Variants in FAM193A observed in about 807,000 individuals in gnomAD.
FAM193A encodes protein FAM193A.
In FAM193A, 22 loss-of-function variants were observed where a neutral mutation model predicts 126.5. That is an observed-to-expected ratio of 0.17 (90% CI 0.12 to 0.25). FAM193A has a LOEUF of 0.25. Among genes scored for constraint, FAM193A ranks in the 10% least tolerant of loss-of-function variants. FAM193A has a pLI of 1.00. For synonymous variants in FAM193A, 761 were observed against 646.8 expected (o/e 1.18, Z -2.68); for missense variants, 1,675 against 1,672.8 (o/e 1.00, Z -0.02).
At position 2,725,476 on chromosome 4, in the gene FAM193A, A is replaced by G. The variant is rs1227639593; in HGVS notation, c.4455-6299A>G. Among the ~76,000 whole-genome samples, 5 of 148,860 alleles carry G rather than the reference A, an allele frequency of 3.4e-5. No individual in the cohort carries two copies. In the East Asian group the frequency reaches 5.9e-4, roughly 18 times the overall value. On this transcript the variant is annotated intron_variant, in intron 20 of 20. Transcript: ENST00000637812. ...AAAAAAAAAAAAAAAAAAAAAAAAA[A>G]GTAATCACACCAGAGAGGCAGTGAA...
intron 2 of FAM193A, among the ~76,000 whole-genome samples, chr4:2,610,142 G>C (rs1313522952): frequency 1.3e-5 from 2 of 152,028 alleles, no homozygotes; most frequent in Non-Finnish European, 2.9e-5. Flanking sequence ...TGAGGCAGGA[G>C]AATCGCTTGA....
chr4:2,728,432 A>G (rs544000596), intron 20 of FAM193A, among the ~76,000 whole-genome samples: 2 of 151,458 alleles, frequency 1.3e-5, no homozygotes, highest in South Asian at 2.1e-4. Context: ...TCGTTTTTCT[A>G]TTTTCCTGTC....
rs189327507 is a variant in FAM193A at position 2,713,044 on chromosome 4, G to A, written c.4373-2979G>A. ...TGCTTGAACCTGGGAGGTGGAGGTT[G>A]CAGCGAGCTGAGATTGTGCCACTGC... On this transcript the variant is annotated intron_variant, in intron 19 of 20. Transcript: ENST00000637812. Among the ~76,000 whole-genome samples, 7 of 151,058 alleles carry A rather than the reference G, an allele frequency of 4.6e-5. No homozygotes were observed. In the East Asian group the frequency reaches 1.2e-3, roughly 25 times the overall value.
chr4:2,604,769 CT>C (rs1490579534), intron 2 of FAM193A, among the ~76,000 whole-genome samples: 2 of 124,048 alleles, frequency 1.6e-5, no homozygotes, highest in Admixed American at 8.0e-5. Flanking sequence ...TGAGAGTCTG[CT>C]TTTTTTCTTT....
At chr4:2,645,811 G>A (rs1745079087) in intron 6 of FAM193A, among the ~76,000 whole-genome samples, 5 of 152,202 alleles carry the variant, frequency 3.3e-5, no homozygotes, top group Admixed American at 3.3e-4. Flanking sequence ...ACAGGCGTGA[G>A]CCACTGCACC....
At chr4:2,669,030 A>G (rs1713481791) in intron 12 of FAM193A, among the ~76,000 whole-genome samples, 1 of 151,908 alleles carries the variant, frequency 6.6e-6, no homozygotes, top group Non-Finnish European at 1.5e-5. Context: ...TTTGGTGGAG[A>G]TGACATTTCG....
intron 19 of FAM193A, among the ~76,000 whole-genome samples, chr4:2,701,066 T>C (rs199620508): frequency 2.0e-5 from 3 of 149,012 alleles, no homozygotes; most frequent in Non-Finnish European, 4.5e-5. Flanking sequence ...ATTCTCTCTC[T>C]CCCTCTCTCT....
chr4:2,585,902 C>T (rs1740208407), intron 1 of FAM193A, among the ~76,000 whole-genome samples: 1 of 152,084 alleles, frequency 6.6e-6, no homozygotes. Flanking sequence ...GCACACCAGC[C>T]TGGGTGGCAG....
intron 1 of FAM193A, among the ~76,000 whole-genome samples, chr4:2,560,744 C>A (rs1193246341): frequency 6.6e-6 from 1 of 152,146 alleles, no homozygotes; most frequent in Non-Finnish European, 1.5e-5. Context: ...TTGAATCTTT[C>A]CACTTCTGTT....
chr4:2,700,077 C>A lies in FAM193A; in HGVS notation c.3905C>A (p.Thr1302Asn), dbSNP rs1272811278. 6.2e-7 allele frequency: 1 copy of A among 1,613,930 alleles called. No homozygotes were observed. The highest frequency in any genetic ancestry group is 1.3e-5 in the African/African-American group (1 of 74,982). ...ADGDAADPVD[T>N]RDSKFLLPKE... The stretch of plus-strand genomic sequence containing the variant: ...GGGGATGCTGCAGACCCCGTCGACA[C>A]CAGAGACTCCAAATTTCTCCTCCCC... The change falls in exon 19 of 21, where the codon ACC (threonine) becomes AAC (asparagine). Residue 1302 changes from threonine to asparagine, a missense_variant. By Grantham distance (65) the Thr-to-Asn change is moderately conservative (BLOSUM62 0). Around this residue, in one of 4 missense-constraint regions of FAM193A, gnomAD observed 415 missense variants for 396.7 expected, o/e 1.05. Transcript: ENST00000637812.
At chr4:2,580,306 A>G (rs1336827570) in intron 1 of FAM193A, among the ~76,000 whole-genome samples, 1 of 152,150 alleles carries the variant, frequency 6.6e-6, no homozygotes, top group East Asian at 1.9e-4. Flanking sequence ...AGAGGGGAAC[A>G]ACATACACTG....
intron 2 of FAM193A, 150 bp downstream of exon 2, chr4:2,596,479 C>T (rs1740871186): frequency 9.9e-6 from 6 of 606,032 alleles, no homozygotes; most frequent in Non-Finnish European, 1.5e-5. Flanking sequence ...TGGTACGTTC[C>T]TCCTGGTCTT....
chr4:2,583,540 GCTA>G (rs1740070958), intron 1 of FAM193A, among the ~76,000 whole-genome samples: 1 of 151,946 alleles, frequency 6.6e-6, no homozygotes, highest in African/African-American at 2.4e-5. Flanking sequence ...TGAGTTCTGC[GCTA>G]CTGTCTTTGC....
In FAM193A at chr4:2,641,535, G is replaced by A. The variant is rs527684919; in HGVS notation, c.1163+1676G>A. 4.6e-5 allele frequency among the ~76,000 whole-genome samples: 7 copies of A among 152,006 alleles called. 1 individual carries two copies. In the South Asian group the frequency reaches 1.5e-3, roughly 32 times the overall value. On this transcript the variant is annotated intron_variant, in intron 6 of 20. Transcript: ENST00000637812. ...CCGGGCGTAGTGGCGCATGCCTGTA[G>A]TCCCAGCTACTTGGGAGGCTGAGGC...
rs750517238 is a variant in FAM193A at position 2,659,899 on chromosome 4, G to A, written c.1590G>A (p.Gln530=). Residue 530 remains glutamine, a synonymous_variant, in exon 10 of 21, where the codon CAG becomes CAA. Transcript: ENST00000637812. ...TCACTGATGACATCCACATTCACCA[G>A]CTCCCACTTCAAGTGGATCCTGCTC... ...PPVTDDIHIH[Q]LPLQVDPAPD... is the part of the protein sequence containing the mutation. The A allele has an allele frequency of 1.9e-6, 3 of 1,613,994 alleles. No individual in the cohort carries two copies. The African/African-American group carries it at 4.0e-5, about 22-fold the overall frequency.
At chr4:2,670,814 G>T (rs1713705219) in intron 12 of FAM193A, among the ~76,000 whole-genome samples, 1 of 152,084 alleles carries the variant, frequency 6.6e-6, no homozygotes, top group African/African-American at 2.4e-5. Context: ...GTTGAAAATT[G>T]GACATTTTAA....
At chr4:2,706,686 A>G (rs1409838017) in intron 19 of FAM193A, among the ~76,000 whole-genome samples, 1 of 142,030 alleles carries the variant, frequency 7.0e-6, no homozygotes, top group African/African-American at 3.1e-5. Flanking sequence ...TATTGCATTT[A>G]GTTAGTTATT....
intron 19 of FAM193A, among the ~76,000 whole-genome samples, chr4:2,703,686 C>G (rs958888743): frequency 6.9e-6 from 1 of 145,292 alleles, no homozygotes; most frequent in African/African-American, 2.5e-5. Context: ...AGTGTGTTCC[C>G]GGTGTGGTGG....
In FAM193A at chr4:2,646,685, G is replaced by C; in HGVS notation, c.1164G>C (p.Arg388Ser). The change falls in exon 7 of 21, where the codon AGG becomes AGC. Residue 388 changes from arginine (R) to serine (S), a missense_variant and splice_region_variant. Arg to Ser is a moderately radical substitution (Grantham distance 110). Transcript: ENST00000637812. ...TGTTACAAGGCCTTCTCTCTCCTAG[G>C]CTAGGAACCACCACACACGACACCT... ...SNLPALVSQI[R>S]LGTTTHDTCS... 1 of 1,604,118 alleles carries C rather than the reference G, an allele frequency of 6.2e-7. No homozygotes were observed. The highest frequency in any genetic ancestry group is 8.5e-7 in the Non-Finnish European group (1 of 1,175,754).
Sources: gnomAD v4.1 joint callset for allele counts (sites outside exome capture counted in the v4.1 genomes callset) on GRCh38, gnomAD v4.1.1 for gene constraint, gnomAD v4.1.1 regional missense constraint, MANE v1.5 for transcripts, NCBI Gene and HGNC (gene_info 2026-07-23, HGNC 2026-07-21) for gene names.